Variants in FGF14 observed in about 807,000 individuals in gnomAD.
The protein encoded by FGF14 is fibroblast growth factor homologous factor 4.
In FGF14, 5 loss-of-function variants were observed where a neutral mutation model predicts 25.5. That is an observed-to-expected ratio of 0.20 (90% CI 0.10 to 0.41). The LOEUF is 0.41. FGF14 is among the 10% of genes least tolerant of loss of function. FGF14 has a pLI of 1.00. For missense variants in FGF14, 222 were observed against 320.1 expected, an observed-to-expected ratio of 0.69 and a Z score of 2.34; for synonymous variants, 138 against 118.3, an observed-to-expected ratio of 1.17 and a Z score of -1.08.
intron 1 of FGF14, among the ~76,000 whole-genome samples, chr13:102,161,681 A>AGAAGAG (rs2047758757): frequency 1.9e-5 from 1 of 52,178 alleles, no homozygotes. Flanking sequence ...AAGAAGAAGA[A>AGAAGAG]GAAGAAGAAG....
chr13:102,206,633 A>G (rs1462452944), intron 1 of FGF14, among the ~76,000 whole-genome samples: 2 of 152,098 alleles, frequency 1.3e-5, no homozygotes, highest in Non-Finnish European at 2.9e-5. Flanking sequence ...GTGAGCCCAG[A>G]TGGCACCACT....
intron 1 of FGF14, among the ~76,000 whole-genome samples, chr13:101,910,181 CATGTATACATATGTA>C (rs2032762114): frequency 1.3e-5 from 2 of 151,974 alleles, no homozygotes; most frequent in African/African-American, 4.8e-5. Flanking sequence ...CAACACGGCA[CATGTATACATATGTA>C]ACAAACCTGC....
chr13:102,281,001 C>T (rs1348698250), intron 1 of FGF14, among the ~76,000 whole-genome samples: 16 of 152,182 alleles, frequency 1.1e-4, no homozygotes, highest in Admixed American at 1.0e-3. Flanking sequence ...TAAAAAGGTG[C>T]TTTCCAACGT....
intron 1 of FGF14, among the ~76,000 whole-genome samples, chr13:102,305,839 A>G (rs1034411219): frequency 6.6e-6 from 1 of 152,178 alleles, no homozygotes; most frequent in Admixed American, 6.5e-5. Context: ...GGTTGCCAAT[A>G]TTTACTCTGG....
chr13:101,919,007 C>A (rs1303762563), upstream of FGF14, among the ~76,000 whole-genome samples: 1 of 152,130 alleles, frequency 6.6e-6, no homozygotes, highest in Non-Finnish European at 1.5e-5. Flanking sequence ...CTCTGCCTTT[C>A]CCTCTCTATT....
chr13:101,865,055 C>T (rs2044629093), intron 3 of FGF14, among the ~76,000 whole-genome samples: 1 of 152,112 alleles, frequency 6.6e-6, no homozygotes, highest in African/African-American at 2.4e-5. Context: ...CAGAGATTTA[C>T]TCATTGTATC....
At chr13:101,751,978 G>A (rs974969244) in intron 3 of FGF14, among the ~76,000 whole-genome samples, 2 of 152,146 alleles carry the variant, frequency 1.3e-5, no homozygotes, top group African/African-American at 4.8e-5. Context: ...ACACATACCT[G>A]TGAGAATATG....
chr13:102,145,648 T>C (rs1566742252), intron 1 of FGF14, among the ~76,000 whole-genome samples: 1 of 152,196 alleles, frequency 6.6e-6, no homozygotes, highest in Non-Finnish European at 1.5e-5. Context: ...AAAATCACTG[T>C]AGTTGTTATG....
At chr13:102,220,936 G>A (rs1288473313) in intron 1 of FGF14, among the ~76,000 whole-genome samples, 1 of 152,132 alleles carries the variant, frequency 6.6e-6, no homozygotes, top group Non-Finnish European at 1.5e-5. Context: ...CTTCCTGTCT[G>A]TAAAATAAGG....
chr13:101,761,293 T>C (rs1049378446), intron 3 of FGF14, among the ~76,000 whole-genome samples: 1 of 152,164 alleles, frequency 6.6e-6, no homozygotes, highest in African/African-American at 2.4e-5. Context: ...TGCCTAAAAA[T>C]GAGGAAAAAT....
chr13:102,340,674 C>A (rs541876455), intron 1 of FGF14, among the ~76,000 whole-genome samples: 29 of 152,186 alleles, frequency 1.9e-4, no homozygotes, highest in African/African-American at 7.0e-4. Flanking sequence ...AAGTGTCCAA[C>A]AAACAAAACT....
rs562353534 is a variant in FGF14 at position 102,328,585 on chromosome 13, C to G, written c.208+72886G>C. On this transcript the variant is annotated intron_variant, in intron 1 of 4. Transcript: ENST00000376131. ...TCCATTCATGGAGCTCCCACCTACT[C>G]CCACACTTAAAGCTCTAGAGCACTG... 1.3e-4 allele frequency among the ~76,000 whole-genome samples: 20 copies of G among 152,308 alleles called. No individual in the cohort carries two copies. In the South Asian group the frequency reaches 4.1e-3, roughly 32 times the overall value.
intron 1 of FGF14, among the ~76,000 whole-genome samples, chr13:102,224,224 T>C (rs1004711949): frequency 6.6e-6 from 1 of 152,110 alleles, no homozygotes; most frequent in African/African-American, 2.4e-5. Context: ...CCAACAGCCC[T>C]TGGATGAAAG....
intron 1 of FGF14, among the ~76,000 whole-genome samples, chr13:102,100,624 C>T (rs777258987): frequency 1.3e-5 from 2 of 152,192 alleles, no homozygotes; most frequent in African/African-American, 2.4e-5. Flanking sequence ...GGGCAAGACA[C>T]AAGTTGGTTC....
At chr13:102,282,290 T>A (rs962220724) in intron 1 of FGF14, among the ~76,000 whole-genome samples, 1 of 152,056 alleles carries the variant, frequency 6.6e-6, no homozygotes, top group Non-Finnish European at 1.5e-5. Flanking sequence ...GGTCTCGAAC[T>A]CCCAACCTCA....
intron 1 of FGF14, among the ~76,000 whole-genome samples, chr13:102,382,411 C>A (rs562767157): frequency 7.2e-4 from 110 of 152,068 alleles, no homozygotes; most frequent in African/African-American, 2.5e-3. Flanking sequence ...AAATGCAAAT[C>A]AAATACACAA....
chr13:102,175,729 C>T (rs1452528749), intron 1 of FGF14, among the ~76,000 whole-genome samples: 1 of 151,676 alleles, frequency 6.6e-6, no homozygotes, highest in African/African-American at 2.4e-5. Flanking sequence ...AGAAAAAAGC[C>T]CAAATAACCT....
At chr13:102,163,202 A>G (rs984173193) in intron 1 of FGF14, among the ~76,000 whole-genome samples, 1 of 152,178 alleles carries the variant, frequency 6.6e-6, no homozygotes, top group Non-Finnish European at 1.5e-5. Flanking sequence ...GATGAATTAT[A>G]CCTGTGGTGA....
At chr13:102,195,982 A>C (rs1194924780) in intron 1 of FGF14, among the ~76,000 whole-genome samples, 1 of 152,208 alleles carries the variant, frequency 6.6e-6, no homozygotes, top group African/African-American at 2.4e-5. Context: ...GAGATTACAA[A>C]GTGGCATTAG....
Sources: allele counts gnomAD v4.1 joint callset (sites outside exome capture counted in the v4.1 genomes callset), GRCh38; gene constraint gnomAD v4.1.1; transcripts MANE v1.5; gene names NCBI Gene and HGNC (gene_info 2026-07-23, HGNC 2026-07-21).